RBMS3: variants seen among roughly 807,000 people sequenced by gnomAD.
RBMS3 encodes RNA binding motif single stranded interacting protein 3.
Under a neutral mutation model 66.8 loss-of-function variants are expected in RBMS3, and 27 were observed. That is an observed-to-expected ratio of 0.40 (90% confidence interval 0.30 to 0.56). The LOEUF is 0.56. Among genes scored for constraint, RBMS3 ranks in the 20% least tolerant of loss-of-function variants. RBMS3 has a pLI of 0.40. For synonymous variants in RBMS3, 188 were observed against 183.0 expected (o/e 1.03, Z -0.22); for missense variants, 513 against 549.5 (o/e 0.93, Z 0.66).
intron 6 of RBMS3, among the ~76,000 whole-genome samples, chr3:29,798,262 A>G (rs2057264984): frequency 9.7e-6 from 1 of 103,470 alleles, no homozygotes; most frequent in African/African-American, 4.2e-5. Flanking sequence ...AAGAAAAGGG[A>G]AGGGAAGGGA....
chr3:29,597,313 A>G (rs557450175), intron 4 of RBMS3, among the ~76,000 whole-genome samples: 1 of 152,282 alleles, frequency 6.6e-6, no homozygotes, highest in South Asian at 2.1e-4. Flanking sequence ...AAACCTAAAG[A>G]TAAGTAATAA....
intron 4 of RBMS3, among the ~76,000 whole-genome samples, chr3:29,613,117 A>G (rs2048547786): frequency 6.6e-6 from 1 of 151,920 alleles, no homozygotes; most frequent in Admixed American, 6.6e-5. Context: ...GAAATACTTA[A>G]TAATTTTTTT....
At chr3:29,699,928 G>A (rs1019451956) in intron 4 of RBMS3, among the ~76,000 whole-genome samples, 1 of 152,182 alleles carries the variant, frequency 6.6e-6, no homozygotes, top group East Asian at 1.9e-4. Flanking sequence ...AAATAGCAGG[G>A]GTATAAAGGA....
At chr3:29,946,432 A>G (rs1473488231) in intron 12 of RBMS3, among the ~76,000 whole-genome samples, 1 of 151,708 alleles carries the variant, frequency 6.6e-6, no homozygotes, top group Non-Finnish European at 1.5e-5. Flanking sequence ...ATTTCATTCA[A>G]TCAATATTTC....
chr3:29,684,035 G>C (rs191937007), intron 4 of RBMS3, among the ~76,000 whole-genome samples: 12 of 152,298 alleles, frequency 7.9e-5, no homozygotes, highest in South Asian at 6.2e-4. Flanking sequence ...AGAAGCCACA[G>C]AGGATATTCT....
intron 4 of RBMS3, among the ~76,000 whole-genome samples, chr3:29,669,396 A>G (rs977803835): frequency 6.6e-6 from 1 of 152,168 alleles, no homozygotes; most frequent in African/African-American, 2.4e-5. Flanking sequence ...GCCTCATTTT[A>G]CAGTAGACAA....
chr3:29,907,547 A>C, intron 10 of RBMS3, among the ~76,000 whole-genome samples: 1 of 152,104 alleles, frequency 6.6e-6, no homozygotes, highest in Middle Eastern at 3.4e-3. Flanking sequence ...TTGTATCATA[A>C]TTTTTAATAT....
intron 3 of RBMS3, among the ~76,000 whole-genome samples, chr3:29,564,230 A>C (rs1467546358): frequency 6.6e-6 from 1 of 152,110 alleles, no homozygotes; most frequent in Non-Finnish European, 1.5e-5. Flanking sequence ...TAATCCCAGC[A>C]CTTTGGGAGG....
At chr3:29,702,406 T>A (rs534615131) in intron 4 of RBMS3, among the ~76,000 whole-genome samples, 36 of 152,220 alleles carry the variant, frequency 2.4e-4, no homozygotes, top group Non-Finnish European at 4.7e-4. Flanking sequence ...CTCTGTAAAA[T>A]GGACCAATCA....
At chr3:29,298,472 T>G (rs2033440948) in intron 1 of RBMS3, among the ~76,000 whole-genome samples, 1 of 151,956 alleles carries the variant, frequency 6.6e-6, no homozygotes, top group Non-Finnish European at 1.5e-5. Context: ...GATACTTACC[T>G]TTGCTTCCCT....
chr3:29,825,918 T>C (rs2058200057), intron 6 of RBMS3, among the ~76,000 whole-genome samples: 1 of 152,210 alleles, frequency 6.6e-6, no homozygotes, highest in Non-Finnish European at 1.5e-5. Context: ...AGAAAGTGTT[T>C]AGAAAGCACT....
chr3:29,932,963 T>A (rs2061169319), intron 10 of RBMS3, among the ~76,000 whole-genome samples: 1 of 152,204 alleles, frequency 6.6e-6, no homozygotes, highest in Admixed American at 6.5e-5. Context: ...GACCTTTCCA[T>A]CAGCTGTTTG....
chr3:29,360,186 T>G (rs1489991440), intron 1 of RBMS3, among the ~76,000 whole-genome samples: 1 of 150,914 alleles, frequency 6.6e-6, no homozygotes, highest in East Asian at 1.9e-4. Context: ...GGGCATTTAG[T>G]GCTATAAATT....
At chr3:29,347,774 G>C (rs746207462) in intron 1 of RBMS3, among the ~76,000 whole-genome samples, 2 of 152,160 alleles carry the variant, frequency 1.3e-5, no homozygotes, top group South Asian at 2.1e-4. Context: ...CACAAAACTC[G>C]CCGTGGCAGC....
rs1699835825 is a variant in RBMS3 at position 30,007,565 on chromosome 3, C to T, written c.*3703C>T. On this transcript the variant is annotated 3_prime_UTR_variant, in exon 15 of 15. Transcript: ENST00000383767. ...AATGGTATGGTATTGTCAAGGGAGG[C>T]AAAGTGTTCATGGTAACTTGGAGCT... 1 of 151,980 alleles carries T rather than the reference C, an allele frequency of 6.6e-6. No individual in the cohort carries two copies. The highest frequency in any genetic ancestry group is 2.4e-5 in the African/African-American group (1 of 41,396). 9.4% of individuals were successfully genotyped at this position (151,980 alleles called of 1,614,324 possible).
At chr3:29,312,826 T>C (rs1451332778) in intron 1 of RBMS3, among the ~76,000 whole-genome samples, 2 of 151,670 alleles carry the variant, frequency 1.3e-5, no homozygotes, top group Non-Finnish European at 3.0e-5. Flanking sequence ...CCCTGGAAAC[T>C]GTGGACTTTA....
At chr3:29,483,806 T>G (rs560881325) in intron 2 of RBMS3, among the ~76,000 whole-genome samples, 1 of 152,354 alleles carries the variant, frequency 6.6e-6, no homozygotes, top group Non-Finnish European at 1.5e-5. Context: ...CACTTCCTCT[T>G]CTAGGAACTT....
intron 3 of RBMS3, among the ~76,000 whole-genome samples, chr3:29,506,191 T>C (rs939196801): frequency 6.6e-6 from 1 of 151,980 alleles, no homozygotes; most frequent in African/African-American, 2.4e-5. Context: ...CTTTCCCTCA[T>C]TGAATGAGAT....
chr3:29,976,248 T>C (rs2149771746), intron 12 of RBMS3, among the ~76,000 whole-genome samples: 2 of 152,176 alleles, frequency 1.3e-5, no homozygotes, highest in East Asian at 3.9e-4. Flanking sequence ...TTTAGTGATA[T>C]TCTGGGAGAC....
Sources: allele counts gnomAD v4.1 joint callset (sites outside exome capture counted in the v4.1 genomes callset), GRCh38; gene constraint gnomAD v4.1.1; transcripts MANE v1.5; gene names NCBI Gene and HGNC (gene_info 2026-07-23, HGNC 2026-07-21).